Variants in TFB2M observed in about 807,000 individuals in gnomAD.
The protein encoded by TFB2M is dimethyladenosine transferase 2, mitochondrial.
In TFB2M, 44 loss-of-function variants were observed where a neutral mutation model predicts 41.3. That is an observed-to-expected ratio of 1.07 (90% confidence interval 0.84 to 1.37). The LOEUF (loss-of-function observed/expected upper bound fraction) is 1.37. Among genes scored for constraint, TFB2M ranks in the 40% most tolerant of loss-of-function variants. TFB2M has a pLI of 0.00. For synonymous variants in TFB2M, 188 were observed against 176.8 expected (o/e 1.06, Z -0.50); for missense variants, 496 against 490.2 (o/e 1.01, Z -0.11).
chr1:246,553,266 G>T (rs2102987514), intron 4 of TFB2M, among the ~76,000 whole-genome samples: 1 of 152,174 alleles, frequency 6.6e-6, no homozygotes, highest in Non-Finnish European at 1.5e-5. Context: ...CAGCAAAGCT[G>T]CAGGATACAA....
At chr1:246,545,139 A>G (rs1029298168) in intron 6 of TFB2M, among the ~76,000 whole-genome samples, 3 of 152,218 alleles carry the variant, frequency 2.0e-5, no homozygotes, top group African/African-American at 7.2e-5. Context: ...AAGAACACAA[A>G]GCCCTAATTG....
In TFB2M at chr1:246,566,123, C is replaced by T; in HGVS notation, c.16G>A (p.Val6Ile). The T allele has an allele frequency of 6.2e-7, 1 of 1,609,556 alleles. No homozygotes were observed. Among genetic ancestry groups the T allele is most frequent in the Non-Finnish European group, 8.5e-7 (1 of 1,176,806 alleles). The change falls in exon 1 of 8, where the codon GTC becomes ATC. Residue 6 changes from valine to isoleucine, a missense_variant. By Grantham distance (29) the Val-to-Ile change is conservative (BLOSUM62 3). Coordinates refer to ENST00000366514, the MANE Select transcript of TFB2M (RefSeq NM_022366.3). The part of the protein sequence containing the change: MWIPV[V>I]GLPRRLRLSA... ...AGCCTCAGCCGCCGAGGAAGCCCGA[C>T]CACTGGGATCCACATGTCCTTGTCT...
At chr1:246,552,750 C>G (rs1659220336) in intron 4 of TFB2M, among the ~76,000 whole-genome samples, 1 of 151,712 alleles carries the variant, frequency 6.6e-6, no homozygotes, top group Non-Finnish European at 1.5e-5. Context: ...TTATAATACC[C>G]CTTAAATATT....
At chr1:246,543,099 T>C (rs1309312629) in intron 7 of TFB2M, among the ~76,000 whole-genome samples, 1 of 151,216 alleles carries the variant, frequency 6.6e-6, no homozygotes, top group African/African-American at 2.4e-5. Flanking sequence ...CCTCCTCAAG[T>C]GATCCTCCCA....
At chr1:246,543,698 C>T (rs964757404) in intron 7 of TFB2M, among the ~76,000 whole-genome samples, 52 of 152,312 alleles carry the variant, frequency 3.4e-4, no homozygotes, top group African/African-American at 1.2e-3. Flanking sequence ...CTTTGGGAGG[C>T]CAAGCAAGGT....
At chr1:246,554,632 G>T (rs1659271738) in intron 4 of TFB2M, among the ~76,000 whole-genome samples, 1 of 152,068 alleles carries the variant, frequency 6.6e-6, no homozygotes, top group Non-Finnish European at 1.5e-5. Flanking sequence ...CTACATTATG[G>T]TGAGTTGTAT....
chr1:246,544,737 A>G (rs977864350), intron 6 of TFB2M, 56 bp from the exon 7 acceptor site: 6 of 1,465,328 alleles, frequency 4.1e-6, no homozygotes, highest in Non-Finnish European at 5.5e-6. Context: ...AGAGTAAGAC[A>G]TTGCTCACTT....
At position 246,565,875 on chromosome 1, in the gene TFB2M, A is replaced by G. The variant is rs1659648383; in HGVS notation, c.264T>C (p.Tyr88=). The change falls in exon 1 of 8, where the codon TAT becomes TAC. Residue 88 remains tyrosine, a synonymous_variant. Coordinates refer to ENST00000366514, the MANE Select transcript of TFB2M (RefSeq NM_022366.3). ...RRLAETLAQI[Y]LGKPSRPPHL... is the part of the protein sequence containing the mutation. ...GTGGAGGTCTACTTGGTTTTCCCAAATAGATTTGCGCCAGGGTCTCAGCCA... is the reference window on the plus strand; with the variant it reads ...GTGGAGGTCTACTTGGTTTTCCCAAGTAGATTTGCGCCAGGGTCTCAGCCA... The G allele has an allele frequency of 1.9e-6, 3 of 1,609,534 alleles. No individual in the cohort carries two copies. In the African/African-American group the frequency reaches 4.0e-5, roughly 22 times the overall value.
chr1:246,557,295 A>G, intron 3 of TFB2M, 86 bp downstream of exon 3: 1 of 1,449,714 alleles, frequency 6.9e-7, no homozygotes, highest in Non-Finnish European at 9.4e-7. Context: ...AATAAATAAA[A>G]CACAAATTTC....
intron 2 of TFB2M, among the ~76,000 whole-genome samples, chr1:246,559,601 G>A (rs1430348453): frequency 1.3e-5 from 2 of 152,134 alleles, no homozygotes; most frequent in African/African-American, 4.8e-5. Flanking sequence ...CTTTCAAGGG[G>A]AAGTTTTAAA....
chr1:246,551,343 A>G (rs1659177092), intron 4 of TFB2M, 41 bp from the exon 5 acceptor site: 1 of 1,357,164 alleles, frequency 7.4e-7, no homozygotes, highest in Non-Finnish European at 1.1e-6. Context: ...ATACACATCT[A>G]TAATCAATTA....
chr1:246,549,864 C>T (rs934587351), intron 5 of TFB2M, among the ~76,000 whole-genome samples: 13 of 152,066 alleles, frequency 8.5e-5, no homozygotes, highest in Admixed American at 7.9e-4. Flanking sequence ...AGAAAAGCAC[C>T]ATCAGCCGTG....
chr1:246,550,575 T>C (rs1013974034), intron 5 of TFB2M, among the ~76,000 whole-genome samples: 4 of 152,122 alleles, frequency 2.6e-5, no homozygotes, highest in African/African-American at 9.7e-5. Context: ...AAGATCCACA[T>C]TGTAAATATT....
At chr1:246,551,101 G>T in intron 5 of TFB2M, 112 bp downstream of exon 5, 3 of 769,456 alleles carry the variant, frequency 3.9e-6, no homozygotes, top group Non-Finnish European at 6.7e-6. Context: ...CTTGAGTCCA[G>T]TAGTTCAAGG....
In TFB2M at chr1:246,545,397, T is replaced by A. The variant is rs562920576; in HGVS notation, c.859-716A>T. ...TAAATTAGCTGGGTGTGGTGGTGTG[T>A]GCCTGTAGTCCCAGCTACTCGGGAG... On this transcript the variant is annotated intron_variant, in intron 6 of 7. Coordinates refer to ENST00000366514, the MANE Select transcript of TFB2M (RefSeq NM_022366.3). Among the ~76,000 whole-genome samples the A allele has an allele frequency of 8.6e-5, 13 of 152,008 alleles. 1 individual carries two copies. In the East Asian group the frequency reaches 2.6e-3, roughly 30 times the overall value.
chr1:246,565,766 G>A (rs892771592), intron 1 of TFB2M, 60 bp downstream of exon 1: 4 of 1,535,868 alleles, frequency 2.6e-6, no homozygotes, highest in East Asian at 2.3e-5. Flanking sequence ...ACCCCGAGGA[G>A]GGTCAATACG....
At chr1:246,557,284 A>C in intron 3 of TFB2M, 97 bp downstream of exon 3, 2 of 1,411,412 alleles carry the variant, frequency 1.4e-6, no homozygotes, top group Admixed American at 4.6e-5. Context: ...GAAAACAAAC[A>C]AATAAATAAA....
chr1:246,557,337 C>T lies in TFB2M; in HGVS notation c.556+44G>A, dbSNP rs1330489772. ...AAATCAGTTATACTGCTAGAGACAC[C>T]TGGCAAATTCTAGGTATTTGCTTTA... On this transcript the variant is annotated intron_variant, in intron 3 of 7. Coordinates refer to ENST00000366514, the MANE Select transcript of TFB2M (RefSeq NM_022366.3). 4.4e-6 allele frequency: 7 copies of T among 1,581,712 alleles called. No individual in the cohort carries two copies. In the South Asian group the frequency reaches 4.7e-5, roughly 11 times the overall value.
intron 4 of TFB2M, 62 bp from the exon 5 acceptor site, chr1:246,551,364 C>T (rs1659177472): frequency 1.7e-6 from 2 of 1,162,454 alleles, no homozygotes; most frequent in Non-Finnish European, 2.6e-6. Context: ...AAAACAAATG[C>T]TGACTCTTAA....
Sources: gnomAD v4.1 joint callset for allele counts (sites outside exome capture counted in the v4.1 genomes callset) on GRCh38, gnomAD v4.1.1 for gene constraint, MANE v1.5 for transcripts, NCBI Gene and HGNC (gene_info 2026-07-23, HGNC 2026-07-21) for gene names.